CUX2: variants seen among roughly 807,000 people sequenced by gnomAD.
CUX2 encodes cut like homeobox 2.
In CUX2, 40 loss-of-function variants were observed where a neutral mutation model predicts 144.8. The ratio of observed to expected loss-of-function variants is 0.28; its 90% confidence interval spans 0.21 to 0.36. The LOEUF is 0.36. Among genes scored for constraint, CUX2 ranks in the 10% least tolerant of loss-of-function variants. The pLI, the probability that CUX2 is intolerant of heterozygous loss-of-function variation, is 1.00. For missense variants in CUX2, 1,615 were observed against 1,994.0 expected, an observed-to-expected ratio of 0.81 and a Z score of 3.62; for synonymous variants, 827 against 875.6, an observed-to-expected ratio of 0.94 and a Z score of 0.98.
intron 19 of CUX2, among the ~76,000 whole-genome samples, chr12:111,337,246 G>A (rs990300206): frequency 4.0e-5 from 6 of 151,844 alleles, no homozygotes; most frequent in Admixed American, 2.0e-4. Flanking sequence ...TCAGCTACTT[G>A]GGAGGCTGAG....
intron 3 of CUX2, among the ~76,000 whole-genome samples, chr12:111,223,229 A>T (rs1156925284): frequency 6.6e-6 from 1 of 152,096 alleles, no homozygotes; most frequent in Non-Finnish European, 1.5e-5. Flanking sequence ...TCCGCATGGA[A>T]TCCTTTAAAG....
rs1401964705 is a variant in CUX2, at chr12:111,186,100, C to T, written c.64-28100C>T. Reference sequence around the variant, plus strand: ...CCTCTGTTCTGCCCTCGCCCCCTTTCTGTCTCCGTCTCACTAGATTTCGCT... The same window carrying T: ...CCTCTGTTCTGCCCTCGCCCCCTTTTTGTCTCCGTCTCACTAGATTTCGCT... On this transcript the variant is annotated intron_variant, in intron 1 of 21. Coordinates refer to ENST00000261726, the MANE Select transcript of CUX2 (RefSeq NM_015267.4). This position sits in a 1 kb window ranked among gnomAD's most constrained non-coding sequence, Gnocchi z 4.4. 6.6e-6 allele frequency among the ~76,000 whole-genome samples: 1 copy of T among 151,992 alleles called. No homozygotes were observed. The highest frequency in any genetic ancestry group is 1.5e-5 in the Non-Finnish European group (1 of 68,000).
At position 111,088,007 on chromosome 12, in the gene CUX2, C is replaced by G. The variant is rs139765171; in HGVS notation, c.63+53767C>G. On this transcript the variant is annotated intron_variant, in intron 1 of 21. Transcript: ENST00000261726. The stretch of plus-strand genomic sequence containing the variant: ...TATTGATAAGCTAATGATGTGGATA[C>G]AGCTTGAAGGAATCGTGCTGAGGGA... Among the ~76,000 whole-genome samples the G allele has an allele frequency of 4.1e-3, 620 of 152,234 alleles. 2 individuals carry two copies. The highest frequency in any genetic ancestry group is 0.014 in the African/African-American group (587 of 41,530).
chr12:111,204,882 CAGGCCTG>C (rs1880822034), intron 1 of CUX2, among the ~76,000 whole-genome samples: 1 of 152,234 alleles, frequency 6.6e-6, no homozygotes. Context: ...GGCTCACACA[CAGGCCTG>C]AGGCTTGGCT....
intron 1 of CUX2, among the ~76,000 whole-genome samples, chr12:111,114,379 G>A (rs1426126535): frequency 6.6e-6 from 1 of 152,024 alleles, no homozygotes; most frequent in Non-Finnish European, 1.5e-5. Flanking sequence ...CTTATTTGCT[G>A]TCCGCATGTC....
chr12:111,284,467 T>C (rs1885274870), intron 4 of CUX2, among the ~76,000 whole-genome samples: 1 of 152,146 alleles, frequency 6.6e-6, no homozygotes, highest in Non-Finnish European at 1.5e-5. Context: ...ATTGGTCCCT[T>C]CTGGCCTCCC....
At chr12:111,318,201 G>A (rs1279907110) in intron 16 of CUX2, among the ~76,000 whole-genome samples, 4 of 148,420 alleles carry the variant, frequency 2.7e-5, no homozygotes, top group Admixed American at 6.7e-5. Context: ...AGCTGGGACC[G>A]TAGGCATACA....
chr12:111,320,636 T>C lies in CUX2; in HGVS notation c.2627T>C (p.Leu876Pro). Residue 876 changes from leucine to proline, a missense_variant, in exon 17 of 22, where the codon CTG becomes CCG. Physicochemically the swap from Leu to Pro is moderately conservative, Grantham distance 98. This residue lies in a region of CUX2 where 390 missense variants were observed against 387.1 expected (regional missense o/e 1.01). Coordinates refer to ENST00000261726, the MANE Select transcript of CUX2 (RefSeq NM_015267.4). The surrounding 1 kb of genome is among the most constrained non-coding windows in gnomAD (Gnocchi z 8.1). ...TACCCGGCCTACGTGCCGCGCACCCTGAAGCCCACCGTGCCGCCGCTGACC... is the reference window on the plus strand; with the variant it reads ...TACCCGGCCTACGTGCCGCGCACCCCGAAGCCCACCGTGCCGCCGCTGACC... Reference protein sequence around the residue: ...PYYPAYVPRTLKPTVPPLTPE... With the variant: ...PYYPAYVPRTPKPTVPPLTPE... 1 of 1,594,542 alleles carries C rather than the reference T, an allele frequency of 6.3e-7. No individual in the cohort carries two copies.
intron 1 of CUX2, among the ~76,000 whole-genome samples, chr12:111,045,918 CTTTA>C (rs1390795148): frequency 2.0e-5 from 3 of 152,312 alleles, no homozygotes; most frequent in African/African-American, 4.8e-5. Flanking sequence ...CTAGTATTAC[CTTTA>C]TTATTATTGC....
intron 3 of CUX2, 88 bp downstream of exon 3, chr12:111,218,025 A>G (rs1592850076): frequency 7.2e-7 from 1 of 1,383,082 alleles, no homozygotes; most frequent in Non-Finnish European, 1.0e-6. Context: ...GGGGGCCAGC[A>G]GCCTCCAGAA....
intron 3 of CUX2, among the ~76,000 whole-genome samples, chr12:111,249,926 A>G (rs1883483720): frequency 6.6e-6 from 1 of 152,168 alleles, no homozygotes; most frequent in Admixed American, 6.5e-5. Flanking sequence ...GTCAAGACAC[A>G]ATTATTCACT....
chr12:111,125,975 T>C (rs1182752304), intron 1 of CUX2, among the ~76,000 whole-genome samples: 1 of 151,734 alleles, frequency 6.6e-6, no homozygotes, highest in Admixed American at 6.6e-5. Flanking sequence ...TTATGAACTA[T>C]ATTAGGGTTC....
At chr12:111,217,786 T>G in intron 2 of CUX2, 104 bp from the exon 3 acceptor site, 2 of 1,226,886 alleles carry the variant, frequency 1.6e-6, no homozygotes, top group Non-Finnish European at 2.4e-6. Flanking sequence ...CCACGGGACA[T>G]GCTTGGGAAA....
intron 1 of CUX2, among the ~76,000 whole-genome samples, chr12:111,192,253 A>T (rs1018756851): frequency 1.3e-5 from 2 of 151,998 alleles, no homozygotes; most frequent in Non-Finnish European, 2.9e-5. Context: ...CAGCCTCCTG[A>T]GTAGCTAGGA....
chr12:111,291,635 CG>C, intron 5 of CUX2, 83 bp downstream of exon 5: 1 of 1,422,012 alleles, frequency 7.0e-7, no homozygotes, highest in Non-Finnish European at 9.3e-7. Context: ...AGCCTTGTTG[CG>C]GGGTGGCTGG....
rs1227311025 is a variant in CUX2 at position 111,311,597 on chromosome 12, A to ATT, written c.1901-502_1901-501dup. ...AGCCACTGTACCCTATTTCTTTATT[A>ATT]TTATTATTTTTTTTTTTTTGAGACG... On this transcript the variant is annotated intron_variant, in intron 15 of 21. Transcript: ENST00000261726. Among the ~76,000 whole-genome samples, 797 of 136,432 alleles carry ATT rather than the reference A, an allele frequency of 5.8e-3. 18 individuals are homozygous for ATT. The highest frequency in any genetic ancestry group is 0.027 in the Middle Eastern group (7 of 264). The allele number at this position is 136,432 out of a possible 152,430, so 89.5% of individuals were successfully genotyped here. A position where few individuals can be genotyped will look rare whatever the true frequency, so the allele number is the denominator to read the frequency against.
intron 1 of CUX2, among the ~76,000 whole-genome samples, chr12:111,104,080 G>A (rs1034075288): frequency 4.6e-5 from 7 of 152,122 alleles, no homozygotes; most frequent in East Asian, 1.9e-4. Flanking sequence ...CTGCCTAAGC[G>A]CCACGGCTAC....
At chr12:111,108,281 A>C (rs1225722523) in intron 1 of CUX2, among the ~76,000 whole-genome samples, 1 of 152,188 alleles carries the variant, frequency 6.6e-6, no homozygotes, top group Admixed American at 6.5e-5. Context: ...CACTTGCTCA[A>C]GGTGAAGACT....
intron 3 of CUX2, among the ~76,000 whole-genome samples, chr12:111,225,236 A>G (rs1882072929): frequency 6.6e-6 from 1 of 152,230 alleles, no homozygotes; most frequent in Non-Finnish European, 1.5e-5. Context: ...GTGAGTGTTC[A>G]GTGAGCATGA....
Sources: gnomAD v4.1 joint callset for allele counts (sites outside exome capture counted in the v4.1 genomes callset) on GRCh38, gnomAD v4.1.1 for gene constraint, gnomAD v4.1.1 regional missense constraint, Gnocchi (gnomAD v3.1) non-coding constraint, MANE v1.5 for transcripts, NCBI Gene and HGNC (gene_info 2026-07-23, HGNC 2026-07-21) for gene names.